Variants in KIF14 observed in about 807,000 individuals in gnomAD.
The protein encoded by KIF14 is kinesin-like protein KIF14.
In KIF14, 98 loss-of-function variants were observed where a neutral mutation model predicts 176.2. The ratio of observed to expected loss-of-function variants is 0.56; its 90% CI spans 0.47 to 0.66. The LOEUF (loss-of-function observed/expected upper bound fraction) is 0.66. Ranked by LOEUF, KIF14 falls within the 30% of genes least tolerant of loss-of-function variation. KIF14 has a pLI of 0.00. For missense variants in KIF14, 1,751 were observed against 1,920.4 expected, an observed-to-expected ratio of 0.91 and a Z score of 1.65; for synonymous variants, 566 against 632.2, an observed-to-expected ratio of 0.90 and a Z score of 1.57.
At chr1:200,559,831 T>G (rs1367523851) in intron 26 of KIF14, among the ~76,000 whole-genome samples, 4 of 151,918 alleles carry the variant, frequency 2.6e-5, no homozygotes, top group Non-Finnish European at 2.9e-5. Context: ...CTTGGCTCAC[T>G]GCAACCTCCA....
At chr1:200,582,880 T>C (rs1038395824) in intron 19 of KIF14, among the ~76,000 whole-genome samples, 6 of 151,566 alleles carry the variant, frequency 4.0e-5, no homozygotes, top group African/African-American at 1.5e-4. Flanking sequence ...AAAAAGAGTA[T>C]TAATATTTTA....
chr1:200,604,215 T>A (rs1457962819), intron 8 of KIF14, among the ~76,000 whole-genome samples: 3 of 152,048 alleles, frequency 2.0e-5, no homozygotes, highest in Non-Finnish European at 2.9e-5. Flanking sequence ...TACAAGCACA[T>A]GCTGCTACAC....
rs567743363 is a variant in KIF14, at chr1:200,554,539, C to T, written c.4496G>A (p.Arg1499His). The change falls in exon 29 of 30, where the codon CGT (arginine) becomes CAT (histidine). Residue 1499 changes from arginine (R) to histidine (H), a missense_variant. Physicochemically the swap from Arg to His is conservative, Grantham distance 29. Coordinates refer to ENST00000367350, the MANE Select transcript of KIF14 (RefSeq NM_014875.3). ...TTTTAACTTTAAGAATTCTGGAGCA[C>T]GATTAACCATCCTCTTGAAATCTTG... ...EYQDFKRMVNRAPEFLKLKHC... is the reference protein window; with the variant it reads ...EYQDFKRMVNHAPEFLKLKHC... 1.2e-5 allele frequency: 19 copies of T among 1,556,378 alleles called. No homozygotes were observed. The highest frequency in any genetic ancestry group is 1.7e-4 in the Middle Eastern group (1 of 5,952).
intron 21 of KIF14, among the ~76,000 whole-genome samples, chr1:200,578,130 C>G (rs1327234817): frequency 1.3e-5 from 2 of 151,944 alleles, no homozygotes; most frequent in African/African-American, 4.8e-5. Context: ...TAAATGTTCT[C>G]TTTATGTTTA....
chr1:200,565,846 G>A (rs540970274), intron 23 of KIF14, among the ~76,000 whole-genome samples, 177 bp from the exon 24 acceptor site: 3 of 152,176 alleles, frequency 2.0e-5, no homozygotes, highest in African/African-American at 7.2e-5. Context: ...ATATAACATC[G>A]TATGCTATGT....
intron 29 of KIF14, 69 bp downstream of exon 29, chr1:200,554,399 A>AG: frequency 8.9e-7 from 1 of 1,124,906 alleles, no homozygotes; most frequent in East Asian, 2.6e-5. Context: ...TCAAAAAAAA[A>AG]AAGGAAAGAT....
At chr1:200,606,822 C>A in intron 5 of KIF14, 24 bp from the exon 6 acceptor site, 1 of 1,567,086 alleles carries the variant, frequency 6.4e-7, no homozygotes, top group South Asian at 1.1e-5. Context: ...ATACATGCAT[C>A]ATTAGGAGTA....
At chr1:200,587,572 T>C (rs1005857692) in intron 18 of KIF14, among the ~76,000 whole-genome samples, 1 of 152,176 alleles carries the variant, frequency 6.6e-6, no homozygotes, top group Non-Finnish European at 1.5e-5. Context: ...CCCAGCACTT[T>C]GGGAGGCCAA....
intron 7 of KIF14, among the ~76,000 whole-genome samples, chr1:200,605,605 CT>C (rs1191599237): frequency 6.6e-6 from 1 of 152,008 alleles, no homozygotes; most frequent in Non-Finnish European, 1.5e-5. Context: ...TTCCCATTGC[CT>C]TTTTTTCTGT....
At chr1:200,608,572 A>G (rs1659999741) in intron 5 of KIF14, among the ~76,000 whole-genome samples, 1 of 152,124 alleles carries the variant, frequency 6.6e-6, no homozygotes, top group African/African-American at 2.4e-5. Flanking sequence ...TGTGTTGTCC[A>G]GGCTGGTCTT....
Position 200,618,527 on chromosome 1 carries a change from G to C in KIF14, c.197C>G (p.Thr66Ser). ...TTTTCTACTGGCAGAAATAACATAA[G>C]TTCTATTTATGTCTCTGACTTTACC... is the stretch of plus-strand genomic sequence containing the variant. ...SAGKVRDINR[T>S]YVISASRKTA... Residue 66 changes from threonine to serine, a missense_variant, in exon 2 of 30, where the codon ACT becomes AGT. Coordinates refer to ENST00000367350, the MANE Select transcript of KIF14 (RefSeq NM_014875.3). 1 of 1,613,726 alleles carries C rather than the reference G, an allele frequency of 6.2e-7. No individual in the cohort carries two copies. Among genetic ancestry groups the C allele is most frequent in the Middle Eastern group, 1.6e-4 (1 of 6,062 alleles).
intron 4 of KIF14, among the ~76,000 whole-genome samples, chr1:200,610,538 T>C (rs1384561024): frequency 6.6e-6 from 1 of 150,746 alleles, no homozygotes; most frequent in Non-Finnish European, 1.5e-5. Context: ...AAATTTAATA[T>C]GAATAACAAC....
Position 200,618,490 on chromosome 1 carries a change from C to T in KIF14, c.234G>A (p.Met78Ile). 6.2e-7 allele frequency: 1 copy of T among 1,614,132 alleles called. No homozygotes were observed. Among genetic ancestry groups the T allele is most frequent in the Non-Finnish European group, 8.5e-7 (1 of 1,179,982 alleles). ...TACCTACAGGATTAGGGGTAAGGGG[C>T]ATGTCTGCTGTTTTTCTACTGGCAG... The part of the protein sequence containing the change: ...VISASRKTAD[M>I]PLTPNPVGRL... Residue 78 changes from methionine (M) to isoleucine (I), a missense_variant, in exon 2 of 30, where the codon ATG (methionine) becomes ATA (isoleucine). By Grantham distance (10) the Met-to-Ile change is conservative. Transcript: ENST00000367350.
Position 200,589,206 on chromosome 1 carries a change from A to G in KIF14, c.3114+11T>C. On this transcript the variant is annotated intron_variant, in intron 18 of 29. Coordinates refer to ENST00000367350, the MANE Select transcript of KIF14 (RefSeq NM_014875.3). The stretch of plus-strand genomic sequence containing the variant: ...TCAGAATAGAGTTAACTGGTTACAC[A>G]ATAAAATTACCTGTTTTGTAGCCAA... The G allele has an allele frequency of 6.3e-7, 1 of 1,590,844 alleles. No homozygotes were observed. Among genetic ancestry groups the G allele is most frequent in the Non-Finnish European group, 8.6e-7 (1 of 1,168,818 alleles).
chr1:200,559,520 G>C, intron 26 of KIF14, 68 bp from the exon 27 acceptor site: 1 of 890,400 alleles, frequency 1.1e-6, no homozygotes, highest in Non-Finnish European at 1.5e-6. Flanking sequence ...TTTAAATTTA[G>C]GTTTTATATA....
At position 200,617,878 on chromosome 1, in the gene KIF14, T is replaced by C. The variant is rs912291619; in HGVS notation, c.846A>G (p.Thr282=). The stretch of plus-strand genomic sequence containing the variant: ...ACTTTGTTGTCAGTTTGTGTTCTGT[T>C]GTACATTTTGTAGGTGTTCTTTTTT... The part of the protein sequence containing the change: ...SLEKRTPTKC[T]TEHKLTTKCS... The change falls in exon 2 of 30, where the codon ACA becomes ACG. Residue 282 remains threonine (T), a synonymous_variant. Transcript: ENST00000367350. 5 of 1,614,064 alleles carry C rather than the reference T, an allele frequency of 3.1e-6. No individual in the cohort carries two copies. The Admixed American group carries it at 6.7e-5, about 22-fold the overall frequency.
intron 21 of KIF14, among the ~76,000 whole-genome samples, chr1:200,579,884 CA>C (rs1658351050): frequency 6.6e-6 from 1 of 151,952 alleles, no homozygotes; most frequent in African/African-American, 2.4e-5. Context: ...GTACATTAGG[CA>C]TAGGAAGATC....
chr1:200,567,672 T>G (rs1056757107), intron 23 of KIF14, among the ~76,000 whole-genome samples: 3 of 152,138 alleles, frequency 2.0e-5, no homozygotes, highest in African/African-American at 7.2e-5. Flanking sequence ...GGAAATAACT[T>G]TATCCTGGAG....
intron 14 of KIF14, among the ~76,000 whole-genome samples, chr1:200,594,573 T>G (rs1659234996): frequency 6.6e-6 from 1 of 152,114 alleles, no homozygotes; most frequent in East Asian, 1.9e-4. Context: ...GAGATCAAAG[T>G]GTACCCCTTA....
Sources: allele counts gnomAD v4.1 joint callset (sites outside exome capture counted in the v4.1 genomes callset), GRCh38; gene constraint gnomAD v4.1.1; transcripts MANE v1.5; gene names NCBI Gene and HGNC (gene_info 2026-07-23, HGNC 2026-07-21).